The following COLEC12 variants were observed in gnomAD, a reference collection of about 807,000 sequenced individuals.
COLEC12 encodes the protein collectin subfamily member 12, also known as collectin-12.
Under a neutral mutation model 71.1 loss-of-function variants are expected in COLEC12, and 33 were observed. The observed-to-expected ratio is 0.46, with a 90% CI of 0.35 to 0.62. COLEC12 has a LOEUF of 0.62. Among genes scored for constraint, COLEC12 ranks in the 20% least tolerant of loss-of-function variants. The probability of loss-of-function intolerance (pLI) is 0.00; values close to 1 mark genes in which losing one functional copy is unlikely to be tolerated. For synonymous variants in COLEC12, 350 were observed against 353.0 expected, an observed-to-expected ratio of 0.99 and a Z score of 0.10; for missense variants, 765 against 916.1, an observed-to-expected ratio of 0.84 and a Z score of 2.13.
At chr18:439,013 C>T (rs751236762) in intron 2 of COLEC12, among the ~76,000 whole-genome samples, 1 of 152,062 alleles carries the variant, frequency 6.6e-6, no homozygotes, top group Non-Finnish European at 1.5e-5. Flanking sequence ...CCTTAACATG[C>T]CTCATCTACC....
At chr18:473,183 C>G (rs1278521970) in intron 2 of COLEC12, among the ~76,000 whole-genome samples, 1 of 152,148 alleles carries the variant, frequency 6.6e-6, no homozygotes, top group East Asian at 1.9e-4. Context: ...TTCCTGGGCA[C>G]CACCTCCCCC....
chr18:415,270 G>A (rs117557987), intron 2 of COLEC12, among the ~76,000 whole-genome samples: 2 of 152,192 alleles, frequency 1.3e-5, no homozygotes, highest in South Asian at 2.1e-4. Flanking sequence ...CAGACAACTC[G>A]AAGTCAGGAA....
intron 2 of COLEC12, among the ~76,000 whole-genome samples, chr18:479,528 T>A (rs1917370391): frequency 7.5e-6 from 1 of 133,810 alleles, no homozygotes; most frequent in South Asian, 2.3e-4. Context: ...ATTTTCATAC[T>A]CTCTCTCTCT....
chr18:482,102 C>G (rs1054593712), intron 1 of COLEC12, among the ~76,000 whole-genome samples: 12 of 151,396 alleles, frequency 7.9e-5, no homozygotes, highest in Non-Finnish European at 1.8e-4. Flanking sequence ...CCAGTGGCTA[C>G]TGTCCAGGAG....
intron 2 of COLEC12, chr18:424,384 T>C (rs1916157675): frequency 1.3e-5 from 2 of 152,200 alleles, no homozygotes; most frequent in Non-Finnish European, 1.5e-5. Flanking sequence ...CACATTGCTA[T>C]GAAATTCCAG....
intron 2 of COLEC12, among the ~76,000 whole-genome samples, chr18:459,384 T>C (rs988274507): frequency 2.0e-5 from 3 of 152,188 alleles, no homozygotes; most frequent in Non-Finnish European, 4.4e-5. Context: ...GCACTGCCCA[T>C]CAGAAAAGTC....
chr18:465,778 A>C (rs1917072457), intron 2 of COLEC12, among the ~76,000 whole-genome samples: 1 of 151,980 alleles, frequency 6.6e-6, no homozygotes. Context: ...TAAAGGAGTA[A>C]ATAGTTACCT....
At chr18:487,840 TCACAATTCACAAAATCCACCAGCA>T (rs1195272249) in intron 1 of COLEC12, among the ~76,000 whole-genome samples, 1 of 152,102 alleles carries the variant, frequency 6.6e-6, no homozygotes. Context: ...AGAGTGATGG[TCACAATTCACAAAATCCACCAGCA>T]CAAAAGTTTC....
intron 2 of COLEC12, among the ~76,000 whole-genome samples, chr18:367,964 G>A (rs1406314451): frequency 6.6e-6 from 1 of 152,182 alleles, no homozygotes; most frequent in Non-Finnish European, 1.5e-5. Flanking sequence ...GACAAAGGGG[G>A]ATGGGGAGAG....
chr18:487,366 AG>A (rs1917539084), intron 1 of COLEC12, among the ~76,000 whole-genome samples: 1 of 152,204 alleles, frequency 6.6e-6, no homozygotes, highest in Non-Finnish European at 1.5e-5. Context: ...GTTTCTTTTT[AG>A]GGTGGTGAAA....
intron 2 of COLEC12, among the ~76,000 whole-genome samples, chr18:401,016 T>C (rs1468790045): frequency 6.6e-6 from 1 of 152,188 alleles, no homozygotes; most frequent in African/African-American, 2.4e-5. Context: ...TCTGTATCCC[T>C]AGTGAAACTA....
chr18:447,695 C>T (rs533586638), intron 2 of COLEC12, among the ~76,000 whole-genome samples: 1 of 152,168 alleles, frequency 6.6e-6, no homozygotes, highest in South Asian at 2.1e-4. Flanking sequence ...TACTTGACAA[C>T]ATTACAGGGA....
chr18:403,410 C>T (rs1056382133), intron 2 of COLEC12, among the ~76,000 whole-genome samples: 1 of 152,152 alleles, frequency 6.6e-6, no homozygotes, highest in African/African-American at 2.4e-5. Flanking sequence ...ATTCTAATGC[C>T]TAGAGTGGGA....
intron 2 of COLEC12, among the ~76,000 whole-genome samples, chr18:441,350 C>G (rs998267528): frequency 2.0e-5 from 3 of 152,136 alleles, no homozygotes. Context: ...TCAAGGGACA[C>G]TTTTATAAGG....
chr18:483,480 A>G (rs1917463564), intron 1 of COLEC12, among the ~76,000 whole-genome samples: 1 of 152,044 alleles, frequency 6.6e-6, no homozygotes, highest in Admixed American at 6.6e-5. Context: ...TTTGTATTTC[A>G]CCATTGTCTC....
chr18:482,664 T>G (rs1917445419), intron 1 of COLEC12, among the ~76,000 whole-genome samples: 1 of 151,944 alleles, frequency 6.6e-6, no homozygotes, highest in African/African-American at 2.4e-5. Flanking sequence ...CAGGCTGGAG[T>G]GCAGTGGTGT....
chr18:475,076 A>AAAAATAAATAAAT (rs58274581), intron 2 of COLEC12, among the ~76,000 whole-genome samples: 1 of 151,296 alleles, frequency 6.6e-6, no homozygotes, highest in African/African-American at 2.4e-5. Flanking sequence ...CTCCGTCTCA[A>AAAAATAAATAAAT]AAATAAATAA....
intron 2 of COLEC12, among the ~76,000 whole-genome samples, chr18:396,534 A>G (rs1373519239): frequency 6.6e-6 from 1 of 152,242 alleles, no homozygotes; most frequent in African/African-American, 2.4e-5. Context: ...GTAAAAATTC[A>G]TCCAATTTAG....
chr18:406,679 C>T (rs1169474567), intron 2 of COLEC12, among the ~76,000 whole-genome samples: 1 of 152,260 alleles, frequency 6.6e-6, no homozygotes, highest in African/African-American at 2.4e-5. Context: ...CAAGAACCTT[C>T]TCTCAGGGTC....
Sources: allele counts gnomAD v4.1 joint callset (sites outside exome capture counted in the v4.1 genomes callset), GRCh38; gene constraint gnomAD v4.1.1; transcripts MANE v1.5; gene names NCBI Gene and HGNC (gene_info 2026-07-23, HGNC 2026-07-21).